Variants in ITGAE observed in about 807,000 individuals in gnomAD.
The protein encoded by ITGAE is integrin alpha-E.
A neutral mutation model predicts 136.5 loss-of-function variants in ITGAE; 99 were observed. The ratio of observed to expected loss-of-function variants is 0.73; its 90% CI spans 0.62 to 0.86. ITGAE has a LOEUF of 0.86. Among genes scored for constraint, ITGAE ranks in the 40% least tolerant of loss-of-function variants. The pLI, the probability that ITGAE is intolerant of heterozygous loss-of-function variation, is 0.00. For synonymous variants in ITGAE, 613 were observed against 591.8 expected (o/e 1.04, Z -0.52); for missense variants, 1,447 against 1,515.3 (o/e 0.95, Z 0.75).
intron 17 of ITGAE, 75 bp downstream of exon 17, chr17:3,747,847 T>C: frequency 3.5e-6 from 1 of 281,728 alleles, no homozygotes; most frequent in Non-Finnish European, 6.8e-6. Context: ...CCCAGTCCTC[T>C]TTCCCTGCCC....
In ITGAE at chr17:3,723,720, G is replaced by GA. The variant is rs1441471468; in HGVS notation, c.3108dup (p.Gln1037SerfsTer27). 1.2e-6 allele frequency: 2 copies of GA among 1,605,640 alleles called. No homozygotes were observed. The highest frequency in any genetic ancestry group is 1.7e-6 in the Non-Finnish European group (2 of 1,176,160). On this transcript the variant is annotated frameshift_variant, in exon 27 of 31. Coordinates refer to ENST00000263087, the MANE Select transcript of ITGAE (RefSeq NM_002208.5). LOFTEE classifies it high-confidence loss of function. ...GAACTGTACGCACAAGCGCGCTCCTGACTCCAGGTGCACACCGTGGAGGCC... is the reference window on the plus strand; with the variant it reads ...GAACTGTACGCACAAGCGCGCTCCTGAACTCCAGGTGCACACCGTGGAGGCC...
chr17:3,730,148 G>C (rs1008137501), intron 23 of ITGAE, among the ~76,000 whole-genome samples: 2 of 152,020 alleles, frequency 1.3e-5, no homozygotes, highest in Non-Finnish European at 2.9e-5. Flanking sequence ...GGGTCACTGG[G>C]AGTCAGATAA....
At chr17:3,754,420 C>T (rs1297212791) in intron 12 of ITGAE, among the ~76,000 whole-genome samples, 2 of 152,160 alleles carry the variant, frequency 1.3e-5, no homozygotes, top group Non-Finnish European at 2.9e-5. Context: ...TACAGGCATC[C>T]GCCACCACGC....
At chr17:3,753,566 GAA>G in intron 13 of ITGAE, 136 bp from the exon 14 acceptor site, 1 of 1,210,776 alleles carries the variant, frequency 8.3e-7, no homozygotes, top group East Asian at 2.4e-5. Context: ...GAGAGTAACA[GAA>G]GAGTGGAGGA....
At position 3,714,870 on chromosome 17, in the gene ITGAE, T is replaced by A; in HGVS notation, c.3517A>T (p.Asn1173Tyr). 1 of 1,609,844 alleles carries A rather than the reference T, an allele frequency of 6.2e-7. No individual in the cohort carries two copies. The highest frequency in any genetic ancestry group is 8.5e-7 in the Non-Finnish European group (1 of 1,176,910). ...SIRKAQLKSE[N>Y]LLEEEN ...TCCTAATTCTCTTCTTCGAGCAGAT[T>A]CTCTGATTTCAGCTGGGCCTTCCTG... The change falls in exon 31 of 31, where the codon AAT becomes TAT. Residue 1173 changes from asparagine to tyrosine, a missense_variant. Coordinates refer to ENST00000263087, the MANE Select transcript of ITGAE (RefSeq NM_002208.5).
rs869087347 is a variant in ITGAE at position 3,721,260 on chromosome 17, CTTTTTTTTT to C, written c.3238-867_3238-859del. Among the ~76,000 whole-genome samples, 97 of 46,218 alleles carry C rather than the reference CTTTTTTTTT, an allele frequency of 2.1e-3. 2 individuals carry two copies. Among genetic ancestry groups the C allele is most frequent in the Non-Finnish European group, 2.4e-3 (67 of 27,666 alleles). 30.3% of individuals were successfully genotyped at this position (46,218 alleles called of 152,430 possible). A position where few individuals can be genotyped will look rare whatever the true frequency, so the allele number is the denominator to read the frequency against. ...TTTTATTTAACGTAAGAGATTTTTCCTTTTTTTTTTTTTTTTTTTTTTTTTTTTTGAGAC... is the reference window on the plus strand; with the variant it reads ...TTTTATTTAACGTAAGAGATTTTTCCTTTTTTTTTTTTTTTTTTTTGAGAC... On this transcript the variant is annotated intron_variant, in intron 28 of 30. Transcript: ENST00000263087.
chr17:3,754,074 C>T lies in ITGAE; in HGVS notation c.1385-149G>A, dbSNP rs757326561. The T allele has an allele frequency of 1.5e-5, 13 of 883,992 alleles. No homozygotes were observed. In the Admixed American group the frequency reaches 2.7e-4, roughly 19 times the overall value. The allele number at this position is 883,992 out of a possible 1,614,324, so 54.8% of individuals were successfully genotyped here. On this transcript the variant is annotated intron_variant, in intron 12 of 30. Coordinates refer to ENST00000263087, the MANE Select transcript of ITGAE (RefSeq NM_002208.5). ...CTGTCTTTCTCACTATGTTAAAAATCGGCATCAGCGAGCACTCTCACTTTG... is the reference window on the plus strand; with the variant it reads ...CTGTCTTTCTCACTATGTTAAAAATTGGCATCAGCGAGCACTCTCACTTTG...
rs1302828420 is a variant in ITGAE, at chr17:3,751,685, C to T, written c.1858G>A (p.Gly620Arg). Residue 620 changes from glycine to arginine, a missense_variant, in exon 15 of 31, where the codon GGA (glycine) becomes AGA (arginine). This residue lies in a region of ITGAE where 1,031 missense variants were observed against 1,011.4 expected (regional missense o/e 1.02). Transcript: ENST00000263087. The stretch of plus-strand genomic sequence containing the variant: ...CTGGCGGAGAGGCCGTCCCAGTGTC[C>T]ATTGTAGATATACACACTGCCGAAG... ...ASFGSVYIYN[G>R]HWDGLSASPS... is the part of the protein sequence containing the mutation. The T allele has an allele frequency of 3.7e-6, 6 of 1,613,944 alleles. 1 individual carries two copies. The Admixed American group carries it at 5.0e-5, about 13-fold the overall frequency.
chr17:3,795,918 TGTGTGTGCATCC>T lies in ITGAE; in HGVS notation c.34+5181_34+5192del, dbSNP rs1316884024. ...GTGTGCATCTGTGTATGCGCATCCGTGTGTGTGCATCCGTGTGTGTGCATCCGTGTGTGCATC... is the reference window on the plus strand; with the variant it reads ...GTGTGCATCTGTGTATGCGCATCCGTGTGTGTGTGCATCCGTGTGTGCATC... On this transcript the variant is annotated intron_variant, in intron 1 of 30. Transcript: ENST00000263087. 7.1e-4 allele frequency among the ~76,000 whole-genome samples: 103 copies of T among 145,908 alleles called. No individual in the cohort carries two copies. The South Asian group carries it at 0.017, about 24-fold the overall frequency.
chr17:3,757,646 G>T, intron 9 of ITGAE, 60 bp downstream of exon 9: 1 of 1,581,360 alleles, frequency 6.3e-7, no homozygotes, highest in Non-Finnish European at 8.6e-7. Flanking sequence ...GACAACCCTG[G>T]CTTCTCCCCA....
intron 21 of ITGAE, 104 bp downstream of exon 21, chr17:3,734,713 A>C: frequency 7.2e-7 from 1 of 1,384,440 alleles, no homozygotes. Flanking sequence ...GACCAGGAGG[A>C]GGCTGGAGGC....
intron 1 of ITGAE, among the ~76,000 whole-genome samples, chr17:3,796,584 T>TG (rs2053110383): frequency 6.6e-6 from 1 of 152,088 alleles, no homozygotes; most frequent in African/African-American, 2.4e-5. Context: ...AGGCGAGGGC[T>TG]GGCCCTCCCT....
Position 3,734,638 on chromosome 17 carries a change from G to T in ITGAE, c.2655+179C>A, listed in dbSNP as rs549116738. Among the ~76,000 whole-genome samples the T allele has an allele frequency of 3.3e-5, 5 of 152,324 alleles. No homozygotes were observed. In the South Asian group the frequency reaches 1.0e-3, roughly 32 times the overall value. On this transcript the variant is annotated intron_variant, in intron 21 of 30. Coordinates refer to ENST00000263087, the MANE Select transcript of ITGAE (RefSeq NM_002208.5). ...GAGGGTGGCACTGCAGCAGAATATG[G>T]TGCCTCGGGAGGCATGGAGCCGGAC...
Position 3,731,119 on chromosome 17 carries a change from G to C in ITGAE, c.2819C>G (p.Thr940Ser), listed in dbSNP as rs2051331660. 3 of 1,613,280 alleles carry C rather than the reference G, an allele frequency of 1.9e-6. No individual in the cohort carries two copies. Among genetic ancestry groups the C allele is most frequent in the East Asian group, 2.2e-5 (1 of 44,864 alleles). ...CAGTACTTACTTGGTGACAGTCACA[G>C]TGATGTCTGCTGTCCTGTTTGGAAA... Reference protein sequence around the residue: ...NAFPNRTADITVTVTNSNERR... With the variant: ...NAFPNRTADISVTVTNSNERR... The change falls in exon 23 of 31, where the codon ACT (threonine) becomes AGT (serine). Residue 940 changes from threonine to serine, a missense_variant. Transcript: ENST00000263087.
intron 3 of ITGAE, 94 bp downstream of exon 3, chr17:3,763,775 A>C: frequency 1.0e-6 from 1 of 973,960 alleles, no homozygotes; most frequent in South Asian, 1.3e-5. Context: ...TGGATGAGGC[A>C]GGGCTGGGGT....
At chr17:3,738,281 C>T (rs2051506189) in intron 20 of ITGAE, among the ~76,000 whole-genome samples, 1 of 151,754 alleles carries the variant, frequency 6.6e-6, no homozygotes, top group African/African-American at 2.4e-5. Flanking sequence ...AGCGATTCTC[C>T]TGCCTCAGCC....
intron 17 of ITGAE, 45 bp downstream of exon 17, chr17:3,747,877 A>G: frequency 8.0e-7 from 1 of 1,257,832 alleles, no homozygotes; most frequent in Non-Finnish European, 1.1e-6. Flanking sequence ...GCCAAAAAGG[A>G]AAGACCATCA....
rs2051429536 is a variant in ITGAE at position 3,734,965 on chromosome 17, A to G, written c.2523-16T>C. The G allele has an allele frequency of 6.2e-7, 1 of 1,613,828 alleles. No homozygotes were observed. Among genetic ancestry groups the G allele is most frequent in the Admixed American group, 1.7e-5 (1 of 59,978 alleles). On this transcript the variant is annotated splice_polypyrimidine_tract_variant and intron_variant, in intron 20 of 30. Transcript: ENST00000263087. ...CAACTCCTGCCTGCACAGGGTACAG[A>G]TAAAAATGTTACAGTTTATTTCATC...
intron 18 of ITGAE, among the ~76,000 whole-genome samples, chr17:3,743,834 C>G (rs2051648781): frequency 6.6e-6 from 1 of 150,770 alleles, no homozygotes; most frequent in African/African-American, 2.4e-5. Flanking sequence ...GCCCGAGTAG[C>G]TGGGATGACA....
Sources: allele counts gnomAD v4.1 joint callset (sites outside exome capture counted in the v4.1 genomes callset), GRCh38; gene constraint gnomAD v4.1.1; regional missense constraint gnomAD v4.1.1; transcripts MANE v1.5; gene names NCBI Gene and HGNC (gene_info 2026-07-23, HGNC 2026-07-21).